Variants in ORC2 observed in about 807,000 individuals in gnomAD.
The protein encoded by ORC2 is origin recognition complex subunit 2.
ORC2 carries 37 observed loss-of-function variants against 77.7 expected under a neutral mutation model. The ratio of observed to expected loss-of-function variants is 0.48; its 90% CI spans 0.37 to 0.63. ORC2 has a LOEUF of 0.63. ORC2 is among the 20% of genes least tolerant of loss of function. The pLI is 0.00. For synonymous variants in ORC2, 201 were observed against 229.5 expected (o/e 0.88, Z 1.12); for missense variants, 557 against 661.9 (o/e 0.84, Z 1.74).
intron 11 of ORC2, among the ~76,000 whole-genome samples, chr2:200,927,359 C>CA (rs2040857755): frequency 6.6e-6 from 1 of 151,808 alleles, no homozygotes; most frequent in African/African-American, 2.4e-5. Context: ...GCTGGGACTA[C>CA]AGGTGTGAGC....
intron 9 of ORC2, among the ~76,000 whole-genome samples, chr2:200,935,116 A>C (rs930066356): frequency 1.3e-5 from 2 of 152,156 alleles, no homozygotes; most frequent in Non-Finnish European, 2.9e-5. Flanking sequence ...CCCATAGCTT[A>C]TTTAAAAATT....
chr2:200,957,296 T>A (rs1319350951), intron 4 of ORC2, 105 bp downstream of exon 4: 2 of 715,708 alleles, frequency 2.8e-6, no homozygotes, highest in Admixed American at 3.0e-5. Context: ...AGAAACATGA[T>A]CATATAGAAC....
At chr2:200,914,994 T>C (rs1317347628) in intron 15 of ORC2, among the ~76,000 whole-genome samples, 1 of 149,598 alleles carries the variant, frequency 6.7e-6, no homozygotes, top group African/African-American at 2.5e-5. Context: ...TTTTTGATTC[T>C]TCCCACGTCT....
intron 2 of ORC2, among the ~76,000 whole-genome samples, chr2:200,958,458 G>C (rs974287613): frequency 2.0e-5 from 3 of 152,102 alleles, no homozygotes. Flanking sequence ...AACCAATCCA[G>C]ATAAGCACAT....
At chr2:200,956,357 A>G (rs1011198314) in intron 4 of ORC2, among the ~76,000 whole-genome samples, 1 of 151,988 alleles carries the variant, frequency 6.6e-6, no homozygotes, top group Non-Finnish European at 1.5e-5. Context: ...AGCCTCACTC[A>G]TAGCTGGGAC....
intron 4 of ORC2, among the ~76,000 whole-genome samples, chr2:200,957,037 G>A (rs1016576433): frequency 2.6e-5 from 4 of 152,094 alleles, no homozygotes; most frequent in African/African-American, 4.8e-5. Flanking sequence ...GAGAGCATAA[G>A]GACAGACAGC....
intron 5 of ORC2, among the ~76,000 whole-genome samples, chr2:200,946,148 AT>A (rs550900180): frequency 0.044 from 6,499 of 146,102 alleles, 446 homozygotes; most frequent in African/African-American, 0.15. Context: ...ATGAAAATCT[AT>A]TTTTTTTTTT....
At chr2:200,947,394 T>C (rs1167258384) in intron 5 of ORC2, among the ~76,000 whole-genome samples, 1 of 152,224 alleles carries the variant, frequency 6.6e-6, no homozygotes, top group African/African-American at 2.4e-5. Context: ...ACTTCTCATA[T>C]ATTCCTCATC....
intron 16 of ORC2, 36 bp downstream of exon 16, chr2:200,913,893 CAA>C (rs779659210): frequency 6.4e-7 from 1 of 1,550,440 alleles, no homozygotes; most frequent in Non-Finnish European, 8.7e-7. Context: ...CAGGGTAAAA[CAA>C]AAATTACACA....
chr2:200,963,273 G>A (rs1485592818), intron 1 of ORC2: 4 of 395,808 alleles, frequency 1.0e-5, no homozygotes, highest in Non-Finnish European at 1.8e-5. Context: ...AGTTGGCTGC[G>A]CTCCACCAGT....
At chr2:200,941,354 TA>T (rs1553497992) in intron 6 of ORC2, 75 bp from the exon 7 acceptor site, 1 of 1,409,404 alleles carries the variant, frequency 7.1e-7, no homozygotes, top group African/African-American at 1.4e-5. Flanking sequence ...TCATTAAAAG[TA>T]AAGTTTGCCA....
rs755810584 is a variant in ORC2, at chr2:200,923,807, T to C, written c.1147+2029A>G. On this transcript the variant is annotated intron_variant, in intron 13 of 17. Transcript: ENST00000234296. ...AGCACTGAACAGACTGTGAAAACGATGCTTGTTTATAGTATGAGAGTTGAA... is the reference window on the plus strand; with the variant it reads ...AGCACTGAACAGACTGTGAAAACGACGCTTGTTTATAGTATGAGAGTTGAA... Among the ~76,000 whole-genome samples the C allele has an allele frequency of 4.6e-5, 7 of 152,212 alleles. No homozygotes were observed. The South Asian group carries it at 6.2e-4, about 14-fold the overall frequency.
chr2:200,950,764 T>C lies in ORC2; in HGVS notation c.239-1121A>G, dbSNP rs185471960. ...ACTTAATGGATTTATTAGAAAATGGTGTCAAACTTTCCAAAGTGTGTGCTC... is the reference window on the plus strand; with the variant it reads ...ACTTAATGGATTTATTAGAAAATGGCGTCAAACTTTCCAAAGTGTGTGCTC... On this transcript the variant is annotated intron_variant, in intron 4 of 17. Coordinates refer to ENST00000234296, the MANE Select transcript of ORC2 (RefSeq NM_006190.5). 1.0e-3 allele frequency among the ~76,000 whole-genome samples: 152 copies of C among 152,346 alleles called. 1 individual carries two copies. Among genetic ancestry groups the C allele is most frequent in the African/African-American group, 1.5e-3 (64 of 41,576 alleles).
chr2:200,941,385 G>A, intron 6 of ORC2, 106 bp from the exon 7 acceptor site: 3 of 963,452 alleles, frequency 3.1e-6, no homozygotes, highest in Non-Finnish European at 4.8e-6. Context: ...GCTCACATCT[G>A]TAATCCCAGC....
chr2:200,939,440 T>C (rs1231553618), intron 7 of ORC2, among the ~76,000 whole-genome samples: 2 of 152,170 alleles, frequency 1.3e-5, no homozygotes, highest in Admixed American at 1.3e-4. Context: ...TAATCTCTCT[T>C]GACAGTTTGC....
chr2:200,935,627 T>A lies in ORC2; in HGVS notation c.708+72A>T, dbSNP rs2307360. 6.8e-3 allele frequency: 6,783 copies of A among 991,606 alleles called. 320 individuals carry two copies. In the African/African-American group the frequency reaches 0.1, roughly 15 times the overall value. 61.4% of individuals were successfully genotyped at this position (991,606 alleles called of 1,614,324 possible). On this transcript the variant is annotated intron_variant, in intron 9 of 17. Transcript: ENST00000234296. ...AAAATATTATTTTGAGAGATGTGGATCTCTTAGGGTAGCCTATCTTTGAAA... is the reference window on the plus strand; with the variant it reads ...AAAATATTATTTTGAGAGATGTGGAACTCTTAGGGTAGCCTATCTTTGAAA...
intron 4 of ORC2, among the ~76,000 whole-genome samples, chr2:200,952,551 G>A (rs1452944487): frequency 3.3e-5 from 5 of 152,094 alleles, no homozygotes; most frequent in South Asian, 4.1e-4. Flanking sequence ...ATGAGCCACC[G>A]CGCCCGGCCT....
chr2:200,913,563 C>A, intron 16 of ORC2, 150 bp from the exon 17 acceptor site: 2 of 1,340,042 alleles, frequency 1.5e-6, no homozygotes, highest in Non-Finnish European at 1.9e-6. Flanking sequence ...AAAGAAGGAA[C>A]AAGTAAGTCA....
chr2:200,918,946 CTT>C lies in ORC2; in HGVS notation c.1466+1274_1466+1275del, dbSNP rs563924283. Among the ~76,000 whole-genome samples, 1,125 of 152,302 alleles carry C rather than the reference CTT, an allele frequency of 7.4e-3. 17 individuals are homozygous for C. The highest frequency in any genetic ancestry group is 0.026 in the African/African-American group (1,087 of 41,560). On this transcript the variant is annotated intron_variant, in intron 15 of 17. Transcript: ENST00000234296. ...AGTGCAGTGGCGCAATCTCGGCTCC[CTT>C]CAGCCTCCTCAGCTGAGACTATGGG...
Sources: allele counts gnomAD v4.1 joint callset (sites outside exome capture counted in the v4.1 genomes callset), GRCh38; gene constraint gnomAD v4.1.1; transcripts MANE v1.5; gene names NCBI Gene and HGNC (gene_info 2026-07-23, HGNC 2026-07-21).